ACBD3: variants seen among roughly 807,000 people sequenced by gnomAD.
ACBD3 encodes the protein acyl-CoA binding domain containing 3.
Under a neutral mutation model 66.9 loss-of-function variants are expected in ACBD3, and 30 were observed. The observed-to-expected ratio is 0.45, with a 90% CI of 0.34 to 0.61. ACBD3 has a LOEUF of 0.61. ACBD3 is among the 20% of genes least tolerant of loss of function. The pLI is 0.02. For synonymous variants in ACBD3, 278 were observed against 259.8 expected (o/e 1.07, Z -0.68); for missense variants, 544 against 664.5 (o/e 0.82, Z 1.99).
chr1:226,156,580 A>G (rs1659674757), intron 5 of ACBD3, among the ~76,000 whole-genome samples: 4 of 152,148 alleles, frequency 2.6e-5, no homozygotes, highest in Admixed American at 2.6e-4. Flanking sequence ...ATAATGATAT[A>G]TTTTGGCATA....
At position 226,163,266 on chromosome 1, in the gene ACBD3, C is replaced by T. The variant is rs77452854; in HGVS notation, c.569+1523G>A. Among the ~76,000 whole-genome samples, 74 of 152,152 alleles carry T rather than the reference C, an allele frequency of 4.9e-4. No individual in the cohort carries two copies. The East Asian group carries it at 0.013, about 26-fold the overall frequency. ...CCATGACAAAAGTATATTTTTAAAA[C>T]GAAAACGCAGCTCTATATGTTGAGT... On this transcript the variant is annotated intron_variant, in intron 3 of 7. Coordinates refer to ENST00000366812, the MANE Select transcript of ACBD3 (RefSeq NM_022735.4).
rs1160932904 is a variant in ACBD3 at position 226,146,696 on chromosome 1, T to C, written c.1501A>G (p.Arg501Gly). The C allele has an allele frequency of 6.2e-7, 1 of 1,614,028 alleles. No individual in the cohort carries two copies. Among genetic ancestry groups the C allele is most frequent in the East Asian group, 2.2e-5 (1 of 44,886 alleles). ...VYAGSHQYPGRGVYLLKFDNS... is the reference protein window; with the variant it reads ...VYAGSHQYPGGGVYLLKFDNS... ...TCAAACTTGAGGAGATAGACTCCTC[T>C]CCCTGGATATTGATGGCTGCCAGCA... The change falls in exon 8 of 8, where the codon AGA becomes GGA. Residue 501 changes from arginine (R) to glycine (G), a missense_variant. Arg to Gly is a moderately radical substitution (Grantham distance 125). This residue lies in a region of ACBD3 where 383 missense variants were observed against 462.4 expected (regional missense o/e 0.83). Transcript: ENST00000366812.
At chr1:226,164,634 G>C (rs1659837734) in intron 3 of ACBD3, among the ~76,000 whole-genome samples, 155 bp downstream of exon 3, 3 of 152,178 alleles carry the variant, frequency 2.0e-5, no homozygotes. Context: ...ACAAGTACCT[G>C]TTCACATCAG....
chr1:226,154,028 T>C (rs998336762), intron 6 of ACBD3, among the ~76,000 whole-genome samples: 6 of 152,146 alleles, frequency 3.9e-5, no homozygotes, highest in South Asian at 2.1e-4. Flanking sequence ...AAGCCAGCCA[T>C]GTGAGGGAAC....
chr1:226,184,936 C>T (rs1656259600), intron 1 of ACBD3, among the ~76,000 whole-genome samples: 1 of 129,574 alleles, frequency 7.7e-6, no homozygotes, highest in Non-Finnish European at 1.6e-5. Context: ...AGTCCTGCAA[C>T]AGAGCAGGAC....
intron 1 of ACBD3, among the ~76,000 whole-genome samples, chr1:226,180,559 C>G (rs556107408): frequency 1.5e-4 from 23 of 152,322 alleles, no homozygotes; most frequent in African/African-American, 5.3e-4. Context: ...TATTAGTTAA[C>G]TGATAAAACA....
rs1659943791 is a variant in ACBD3 at position 226,169,379 on chromosome 1, C to G, written c.287-3379G>C. Among the ~76,000 whole-genome samples the G allele has an allele frequency of 3.3e-5, 5 of 152,142 alleles. No individual in the cohort carries two copies. In the South Asian group the frequency reaches 1.0e-3, roughly 32 times the overall value. On this transcript the variant is annotated intron_variant, in intron 1 of 7. Transcript: ENST00000366812. The stretch of plus-strand genomic sequence containing the variant: ...TCTCCTGCCTCAGCCTCCCGAGTAG[C>G]TGGGACTACAAGCGCCCGCCACCAT...
At chr1:226,184,421 A>C (rs1656246895) in intron 1 of ACBD3, among the ~76,000 whole-genome samples, 1 of 152,170 alleles carries the variant, frequency 6.6e-6, no homozygotes. Flanking sequence ...AACCACACCT[A>C]TCAGTGTAGC....
chr1:226,184,148 G>A (rs1447818124), intron 1 of ACBD3, among the ~76,000 whole-genome samples: 2 of 152,104 alleles, frequency 1.3e-5, no homozygotes, highest in African/African-American at 4.8e-5. Context: ...CCCCGAGATG[G>A]CACCACTGCA....
chr1:226,159,108 CTG>C, intron 5 of ACBD3, 74 bp downstream of exon 5: 1 of 1,533,878 alleles, frequency 6.5e-7, no homozygotes, highest in Non-Finnish European at 8.9e-7. Flanking sequence ...TCATTTGCGA[CTG>C]TTAAAAAAGA....
chr1:226,152,724 C>T (rs1659602044), intron 6 of ACBD3, 105 bp from the exon 7 acceptor site: 2 of 1,116,988 alleles, frequency 1.8e-6, no homozygotes, highest in Admixed American at 2.3e-5. Flanking sequence ...GCACCAAGTA[C>T]AATATGGTCT....
In ACBD3 at chr1:226,186,527, C is replaced by T; in HGVS notation, c.149G>A (p.Gly50Asp). 7.2e-7 allele frequency: 1 copy of T among 1,389,898 alleles called. No individual in the cohort carries two copies. Among genetic ancestry groups the T allele is most frequent in the Non-Finnish European group, 9.3e-7 (1 of 1,078,088 alleles). 86.1% of individuals were successfully genotyped at this position (1,389,898 alleles called of 1,614,324 possible). The change falls in exon 1 of 8, where the codon GGC becomes GAC. Residue 50 changes from glycine to aspartate, a missense_variant. This residue lies in a region of ACBD3 where 137 missense variants were observed against 145.9 expected (regional missense o/e 0.94). Coordinates refer to ENST00000366812, the MANE Select transcript of ACBD3 (RefSeq NM_022735.4). ...GGGCTGCTCCCCTGAGGCGCCCGGG[C>T]CGCGACCGGATCCAGGTGGCGAGGG... ...PPPSPPGSGR[G>D]PGASGEQPEP...
intron 7 of ACBD3, among the ~76,000 whole-genome samples, chr1:226,149,733 G>C (rs560187267): frequency 2.5e-3 from 377 of 150,812 alleles, no homozygotes; most frequent in African/African-American, 8.8e-3. Context: ...GTAGAGACAG[G>C]GTTTCATCAT....
At chr1:226,183,593 C>A (rs1381960201) in intron 1 of ACBD3, among the ~76,000 whole-genome samples, 1 of 152,156 alleles carries the variant, frequency 6.6e-6, no homozygotes, top group Non-Finnish European at 1.5e-5. Context: ...CCAGAAAAAT[C>A]CACACATTAA....
At chr1:226,163,997 G>C (rs1217160977) in intron 3 of ACBD3, among the ~76,000 whole-genome samples, 2 of 151,440 alleles carry the variant, frequency 1.3e-5, no homozygotes, top group Non-Finnish European at 2.9e-5. Flanking sequence ...GCAGGCACCT[G>C]TAATCCCTCT....
In ACBD3 at chr1:226,147,638, G is replaced by A. The variant is rs1006408299; in HGVS notation, c.1376-817C>T. 1.1e-4 allele frequency among the ~76,000 whole-genome samples: 16 copies of A among 152,246 alleles called. No individual in the cohort carries two copies. The South Asian group carries it at 1.2e-3, about 12-fold the overall frequency. ...TAAGCAGTAAAATGAAAAAATCATA[G>A]TAGAGAGATAGGCATTCAGAGATAC... is the stretch of plus-strand genomic sequence containing the variant. On this transcript the variant is annotated intron_variant, in intron 7 of 7. Coordinates refer to ENST00000366812, the MANE Select transcript of ACBD3 (RefSeq NM_022735.4).
At chr1:226,182,129 G>A (rs1402393606) in intron 1 of ACBD3, among the ~76,000 whole-genome samples, 1 of 152,078 alleles carries the variant, frequency 6.6e-6, no homozygotes, top group Non-Finnish European at 1.5e-5. Flanking sequence ...CACACAGGAG[G>A]ATGAGGTGGG....
At chr1:226,173,389 T>G (rs1181391818) in intron 1 of ACBD3, among the ~76,000 whole-genome samples, 2 of 152,236 alleles carry the variant, frequency 1.3e-5, no homozygotes, top group African/African-American at 4.8e-5. Context: ...TAAGCATATG[T>G]ACTTTGTAAT....
chr1:226,158,394 G>C (rs1659713060), intron 5 of ACBD3, among the ~76,000 whole-genome samples: 1 of 152,174 alleles, frequency 6.6e-6, no homozygotes, highest in African/African-American at 2.4e-5. Flanking sequence ...AAAAATGAAT[G>C]TAAAATTAGT....
Sources: gnomAD v4.1 joint callset for allele counts (sites outside exome capture counted in the v4.1 genomes callset) on GRCh38, gnomAD v4.1.1 for gene constraint, gnomAD v4.1.1 regional missense constraint, MANE v1.5 for transcripts, NCBI Gene and HGNC (gene_info 2026-07-23, HGNC 2026-07-21) for gene names.